Variants in DPH6 observed in about 807,000 individuals in gnomAD.
The protein encoded by DPH6 is diphthamine biosynthesis 6.
Under a neutral mutation model 38.2 loss-of-function variants are expected in DPH6, and 33 were observed. The observed-to-expected ratio is 0.86, with a 90% CI of 0.65 to 1.15. The LOEUF (loss-of-function observed/expected upper bound fraction) is 1.15. Among genes scored for constraint, DPH6 ranks in the 50% most tolerant of loss-of-function variants. DPH6 has a pLI of 0.00. For missense variants in DPH6, 325 were observed against 320.0 expected (o/e 1.02, Z -0.12); for synonymous variants, 108 against 103.0 (o/e 1.05, Z -0.30).
At chr15:35,229,680 T>C (rs939001213) in intron 3 of DPH6, among the ~76,000 whole-genome samples, 14 of 152,172 alleles carry the variant, frequency 9.2e-5, no homozygotes, top group African/African-American at 3.1e-4. Context: ...TTTGTATCCA[T>C]AGTTCTTTAG....
At chr15:35,298,465 T>A (rs1595466451) in intron 3 of DPH6, 2 of 766,586 alleles carry the variant, frequency 2.6e-6, no homozygotes, top group East Asian at 5.0e-5. Context: ...ATTTTTCACG[T>A]TCTTCCTTGG....
chr15:35,410,955 A>G, intron 5 of DPH6, 59 bp from the exon 6 acceptor site: 1 of 1,498,380 alleles, frequency 6.7e-7, no homozygotes, highest in Non-Finnish European at 9.1e-7. Context: ...TTAAAGACAC[A>G]TTCCCCTTCC....
chr15:35,316,775 AAACC>A (rs1215374678), intron 3 of DPH6, among the ~76,000 whole-genome samples: 1 of 152,222 alleles, frequency 6.6e-6, no homozygotes, highest in African/African-American at 2.4e-5. Context: ...AAACTGATGA[AAACC>A]AAAGACAAAG....
chr15:35,181,164 T>A, the DPH6 span, among the ~76,000 whole-genome samples: 1 of 152,118 alleles, frequency 6.6e-6, no homozygotes, highest in South Asian at 2.1e-4. Context: ...CTATTTCCCA[T>A]CTCAGAGTTA....
chr15:35,218,075 C>T (rs1460357020), exon 4 of DPH6: 2 of 151,998 alleles, frequency 1.3e-5, no homozygotes, highest in Admixed American at 6.6e-5. Flanking sequence ...TATTTTCAGT[C>T]CTCGGTTGAA....
At chr15:35,350,067 C>T (rs1028819896) in intron 3 of DPH6, among the ~76,000 whole-genome samples, 27 of 152,166 alleles carry the variant, frequency 1.8e-4, no homozygotes, top group Admixed American at 1.0e-3. Flanking sequence ...TCAGTGAAGT[C>T]ACTGGTCCTA....
At chr15:35,370,449 G>T (rs2052701270), downstream of DPH6, among the ~76,000 whole-genome samples, 1 of 151,566 alleles carries the variant, frequency 6.6e-6, no homozygotes, top group Admixed American at 6.6e-5. Flanking sequence ...ATTTGATAAA[G>T]AACTGTTATC....
rs1275509417 is a variant in DPH6 at position 35,370,981 on chromosome 15, A to T, written c.*1169T>A. 4 of 151,694 alleles carry T rather than the reference A, an allele frequency of 2.6e-5. No homozygotes were observed. The highest frequency in any genetic ancestry group is 9.7e-5 in the African/African-American group (4 of 41,390). 9.4% of individuals were successfully genotyped at this position (151,694 alleles called of 1,614,324 possible). A position where few individuals can be genotyped will look rare whatever the true frequency, so the allele number is the denominator to read the frequency against. On this transcript the variant is annotated 3_prime_UTR_variant, in exon 9 of 9. Transcript: ENST00000256538. ...TGGACAAATGAAATGTGGTAGAACC[A>T]GACAATAAAATTTTATTCTACACTA...
the DPH6 span, among the ~76,000 whole-genome samples, chr15:35,153,551 C>A: frequency 2.0e-5 from 3 of 152,120 alleles, no homozygotes; most frequent in African/African-American, 7.2e-5. Context: ...TTAGGCCATC[C>A]TTCTAAGAAG....
At chr15:35,195,188 C>CT in the DPH6 span, among the ~76,000 whole-genome samples, 3 of 152,128 alleles carry the variant, frequency 2.0e-5, no homozygotes, top group Non-Finnish European at 4.4e-5. Flanking sequence ...CTGTGCCTGG[C>CT]TTTTTTTACT....
At chr15:35,216,561 A>G (rs1458132223), downstream of DPH6, among the ~76,000 whole-genome samples, 1 of 152,240 alleles carries the variant, frequency 6.6e-6, no homozygotes, top group Non-Finnish European at 1.5e-5. Context: ...AAATTATAAC[A>G]AATTATTCTA....
the DPH6 span, among the ~76,000 whole-genome samples, chr15:35,182,220 ATTTTTTTTTTTTTTT>A: frequency 3.4e-3 from 289 of 86,044 alleles, 3 homozygotes; most frequent in Middle Eastern, 0.036. Context: ...AACTCTAAGA[ATTTTTTTTTTTTTTT>A]TTTTTTTTTT....
chr15:35,200,682 T>G, the DPH6 span, among the ~76,000 whole-genome samples: 1 of 151,858 alleles, frequency 6.6e-6, no homozygotes, highest in Non-Finnish European at 1.5e-5. Context: ...AAAGTCTTCC[T>G]ATTTTGGAGA....
chr15:35,392,771 C>A (rs941604711), intron 6 of DPH6, among the ~76,000 whole-genome samples: 1 of 152,132 alleles, frequency 6.6e-6, no homozygotes, highest in Non-Finnish European at 1.5e-5. Flanking sequence ...TAAAAGTCTT[C>A]TCAAAGTAAA....
chr15:35,485,553 C>T (rs2054386022), intron 3 of DPH6, among the ~76,000 whole-genome samples: 1 of 152,066 alleles, frequency 6.6e-6, no homozygotes, highest in African/African-American at 2.4e-5. Flanking sequence ...ATAAATGTAG[C>T]CAGCTGTTTG....
At chr15:35,357,728 TAG>T (rs1395094580) in intron 3 of DPH6, among the ~76,000 whole-genome samples, 1 of 152,254 alleles carries the variant, frequency 6.6e-6, no homozygotes, top group Admixed American at 6.5e-5. Flanking sequence ...TTCTCGCTTG[TAG>T]AGTTTCTGCT....
intron 7 of DPH6, among the ~76,000 whole-genome samples, chr15:35,375,388 T>G (rs2140927635): frequency 6.6e-6 from 1 of 152,186 alleles, no homozygotes; most frequent in East Asian, 1.9e-4. Flanking sequence ...GAGACCAGAT[T>G]TCAAATGAAC....
intron 3 of DPH6, among the ~76,000 whole-genome samples, chr15:35,479,956 G>T (rs533634775): frequency 2.0e-4 from 31 of 152,024 alleles, no homozygotes; most frequent in Admixed American, 1.6e-3. Context: ...TAAGTTATTT[G>T]TTTAAAAATA....
chr15:35,453,562 A>G lies in DPH6; in HGVS notation c.386+1185T>C, dbSNP rs548746362. ...GCAGATCAGTTGTTCTCAACGGTAG[A>G]TCTACATCTAGGTAGAATGTAAGGA... On this transcript the variant is annotated intron_variant, in intron 4 of 8. Transcript: ENST00000256538. Among the ~76,000 whole-genome samples the G allele has an allele frequency of 2.0e-5, 3 of 152,270 alleles. No individual in the cohort carries two copies. The South Asian group carries it at 6.2e-4, about 32-fold the overall frequency.
Sources: gnomAD v4.1 joint callset for allele counts (sites outside exome capture counted in the v4.1 genomes callset) on GRCh38, gnomAD v4.1.1 for gene constraint, MANE v1.5 for transcripts, NCBI Gene and HGNC (gene_info 2026-07-23, HGNC 2026-07-21) for gene names.